HEMK2: variants seen among roughly 807,000 people sequenced by gnomAD.
HEMK2 encodes HemK methyltransferase 2, ETF1 glutamine and histone H4 lysine, also known as methyltransferase HEMK2.
chr21:28,853,139 A>C, the HEMK2 span, among the ~76,000 whole-genome samples: 1 of 152,046 alleles, frequency 6.6e-6, no homozygotes, highest in African/African-American at 2.4e-5. Context: ...TATCTTCTGG[A>C]CCCTCCCAGC....
the HEMK2 span, among the ~76,000 whole-genome samples, chr21:28,657,779 A>C: frequency 6.6e-6 from 1 of 152,108 alleles, no homozygotes; most frequent in African/African-American, 2.4e-5. Flanking sequence ...CAGGAAAAAT[A>C]ACTTAGCACA....
the HEMK2 span, among the ~76,000 whole-genome samples, chr21:28,723,177 T>A: frequency 3.4e-5 from 5 of 147,864 alleles, no homozygotes; most frequent in African/African-American, 7.6e-5. Flanking sequence ...GACCAGCTAA[T>A]TTTTTTTTAT....
At chr21:28,665,581 C>A in the HEMK2 span, among the ~76,000 whole-genome samples, 8 of 151,524 alleles carry the variant, frequency 5.3e-5, no homozygotes, top group East Asian at 2.0e-4. Flanking sequence ...AAAAGTCAGG[C>A]AACAACAGGT....
At chr21:28,771,424 C>T in the HEMK2 span, among the ~76,000 whole-genome samples, 1 of 151,570 alleles carries the variant, frequency 6.6e-6, no homozygotes, top group East Asian at 2.0e-4. Flanking sequence ...TGCCCAGAGA[C>T]ATGTTTGGTT....
the HEMK2 span, among the ~76,000 whole-genome samples, chr21:28,660,365 TCAAAGG>T: frequency 6.6e-6 from 1 of 151,834 alleles, no homozygotes; most frequent in Non-Finnish European, 1.5e-5. Flanking sequence ...GTTCCTAATC[TCAAAGG>T]CAAAGTTCTT....
chr21:28,779,766 G>C, the HEMK2 span, among the ~76,000 whole-genome samples: 1 of 151,974 alleles, frequency 6.6e-6, no homozygotes, highest in Non-Finnish European at 1.5e-5. Flanking sequence ...ACAATTCCAA[G>C]GTGTCTATTT....
the HEMK2 span, among the ~76,000 whole-genome samples, chr21:28,604,122 C>T: frequency 6.6e-6 from 1 of 152,198 alleles, no homozygotes; most frequent in Non-Finnish European, 1.5e-5. Context: ...CATTGTCACA[C>T]AATGTTTTGG....
chr21:28,794,832 C>T, the HEMK2 span, among the ~76,000 whole-genome samples: 1 of 152,126 alleles, frequency 6.6e-6, no homozygotes, highest in South Asian at 2.1e-4. Context: ...TTCTATGTAA[C>T]ATGAGACTCA....
At chr21:28,769,662 A>C in the HEMK2 span, among the ~76,000 whole-genome samples, 1 of 152,208 alleles carries the variant, frequency 6.6e-6, no homozygotes, top group Middle Eastern at 3.4e-3. Flanking sequence ...GCTTATAATG[A>C]CTCAAAAGGG....
chr21:28,811,330 G>T, the HEMK2 span, among the ~76,000 whole-genome samples: 1 of 145,994 alleles, frequency 6.8e-6, no homozygotes, highest in Admixed American at 6.9e-5. Flanking sequence ...GAGGAAGGAA[G>T]GAAGGAGAAA....
chr21:28,601,916 G>A, the HEMK2 span, among the ~76,000 whole-genome samples: 1 of 152,190 alleles, frequency 6.6e-6, no homozygotes, highest in Non-Finnish European at 1.5e-5. Flanking sequence ...TTATAACCTT[G>A]TCTGGAAGCA....
At chr21:28,625,989 C>T in the HEMK2 span, among the ~76,000 whole-genome samples, 1 of 152,202 alleles carries the variant, frequency 6.6e-6, no homozygotes, top group East Asian at 1.9e-4. Context: ...ATGCTAAAGG[C>T]TATTCTCCAA....
chr21:28,858,358 T>C, the HEMK2 span, among the ~76,000 whole-genome samples: 3 of 152,246 alleles, frequency 2.0e-5, no homozygotes, highest in East Asian at 1.9e-4. Flanking sequence ...CTTCATTCTC[T>C]GCACCAGTTA....
At chr21:28,878,373 T>C in the HEMK2 span, 6 of 1,607,580 alleles carry the variant, frequency 3.7e-6, no homozygotes, top group African/African-American at 4.0e-5. Flanking sequence ...TTAACTCAAG[T>C]TTGATTTAGA....
chr21:28,783,470 C>A, the HEMK2 span, among the ~76,000 whole-genome samples: 1 of 152,232 alleles, frequency 6.6e-6, no homozygotes, highest in Non-Finnish European at 1.5e-5. Flanking sequence ...CAGGCATGAG[C>A]CACTGCACCC....
At chr21:28,578,386 A>C in the HEMK2 span, among the ~76,000 whole-genome samples, 2 of 152,208 alleles carry the variant, frequency 1.3e-5, no homozygotes, top group Non-Finnish European at 2.9e-5. Flanking sequence ...TGAAGGAAGG[A>C]TTTCCACCCT....
the HEMK2 span, among the ~76,000 whole-genome samples, chr21:28,706,390 G>A: frequency 4.8e-4 from 73 of 152,120 alleles, 1 homozygote; most frequent in South Asian, 2.1e-4. Flanking sequence ...GGTCCTTATC[G>A]GGCCTCAATC....
At chr21:28,668,894 C>G in the HEMK2 span, among the ~76,000 whole-genome samples, 2 of 152,132 alleles carry the variant, frequency 1.3e-5, no homozygotes, top group African/African-American at 4.8e-5. Context: ...GTATTGTTAC[C>G]AATCTCATCA....
the HEMK2 span, among the ~76,000 whole-genome samples, chr21:28,704,569 A>C: frequency 0.33 from 49,618 of 150,226 alleles, 9,525 homozygotes; most frequent in African/African-American, 0.51. Flanking sequence ...AAAAAAAAAA[A>C]AAAAAAAAAC....
Sources: gnomAD v4.1 joint callset for allele counts (sites outside exome capture counted in the v4.1 genomes callset) on GRCh38, gnomAD v4.1.1 for gene constraint, MANE v1.5 for transcripts, NCBI Gene and HGNC (gene_info 2026-07-23, HGNC 2026-07-21) for gene names.